SENP6: variants seen among roughly 807,000 people sequenced by gnomAD.
SENP6 encodes SUMO specific peptidase 6, also known as sentrin-specific protease 6.
A neutral mutation model predicts 134.5 loss-of-function variants in SENP6; 41 were observed. That is an observed-to-expected ratio of 0.30 (90% confidence interval 0.24 to 0.40). The LOEUF (loss-of-function observed/expected upper bound fraction) is 0.40, where lower values mean the gene tolerates loss of function less well. SENP6 is among the 10% of genes least tolerant of loss of function. SENP6 has a pLI of 1.00. For synonymous variants in SENP6, 395 were observed against 429.8 expected, an observed-to-expected ratio of 0.92 and a Z score of 1.00; for missense variants, 1,248 against 1,312.5, an observed-to-expected ratio of 0.95 and a Z score of 0.76.
At chr6:75,689,237 G>GA (rs1220456948) in intron 16 of SENP6, among the ~76,000 whole-genome samples, 1 of 151,826 alleles carries the variant, frequency 6.6e-6, no homozygotes, top group Admixed American at 6.6e-5. Flanking sequence ...CTATATCCAA[G>GA]AAAAAAATAA....
intron 19 of SENP6, among the ~76,000 whole-genome samples, chr6:75,705,924 C>G (rs1159550778): frequency 3.4e-5 from 3 of 89,288 alleles, no homozygotes; most frequent in African/African-American, 1.3e-4. Flanking sequence ...TATTTTTGAG[C>G]CTTTTTTTTT....
chr6:75,633,714 A>G lies in SENP6; in HGVS notation c.341A>G (p.Asn114Ser), dbSNP rs370702962. The change falls in exon 4 of 24, where the codon AAT becomes AGT. Residue 114 changes from asparagine to serine, a missense_variant. Transcript: ENST00000447266. ...NPIGLNMLSN[N>S]KKLSENTQNT... is the part of the protein sequence containing the mutation. ...ATTGGACTTAACATGTTGAGCAACAATAAGAAATTGAGGTATAGGCACTTC... is the reference window on the plus strand; with the variant it reads ...ATTGGACTTAACATGTTGAGCAACAGTAAGAAATTGAGGTATAGGCACTTC... 32 of 1,605,664 alleles carry G rather than the reference A, an allele frequency of 2.0e-5. No individual in the cohort carries two copies. Among genetic ancestry groups the G allele is most frequent in the Non-Finnish European group, 2.5e-5 (30 of 1,177,466 alleles).
intron 19 of SENP6, among the ~76,000 whole-genome samples, chr6:75,705,221 C>T (rs1459276940): frequency 1.3e-5 from 2 of 152,026 alleles, no homozygotes; most frequent in Non-Finnish European, 2.9e-5. Context: ...GATTTTTGTC[C>T]TTGAGTCAGT....
chr6:75,666,132 TATATATGATATATATAAAAC>T (rs1464314893), intron 9 of SENP6, among the ~76,000 whole-genome samples: 457 of 128,510 alleles, frequency 3.6e-3, no homozygotes, highest in Non-Finnish European at 5.2e-3. Flanking sequence ...ATATAAAACG[TATATATGATATATATAAAAC>T]ATATATGATA....
At position 75,671,014 on chromosome 6, in the gene SENP6, A is replaced by G. The variant is rs533262502; in HGVS notation, c.1392+294A>G. On this transcript the variant is annotated intron_variant, in intron 11 of 23. Coordinates refer to ENST00000447266, the MANE Select transcript of SENP6 (RefSeq NM_015571.4). Reference sequence around the variant, plus strand: ...TTTTAGTATCATCCCAGCTAAGTGCATGAAAAGAATATATTAAAGAACTGT... The same window carrying G: ...TTTTAGTATCATCCCAGCTAAGTGCGTGAAAAGAATATATTAAAGAACTGT... 6.6e-5 allele frequency among the ~76,000 whole-genome samples: 10 copies of G among 152,238 alleles called. No individual in the cohort carries two copies. In the South Asian group the frequency reaches 1.9e-3, roughly 28 times the overall value.
At position 75,666,884 on chromosome 6, in the gene SENP6, A is replaced by G. The variant is rs767254420; in HGVS notation, c.1167A>G (p.Pro389=). 5 of 1,611,980 alleles carry G rather than the reference A, an allele frequency of 3.1e-6. No homozygotes were observed. The Admixed American group carries it at 6.7e-5, about 21-fold the overall frequency. The change falls in exon 10 of 24, where the codon CCA becomes CCG. Residue 389 remains proline, a synonymous_variant. Transcript: ENST00000447266. ...CAGAGCGTGAACTACGAAGCATTCCAGAAGACTCAGAGTTAAATACAGTTA... is the reference window on the plus strand; with the variant it reads ...CAGAGCGTGAACTACGAAGCATTCCGGAAGACTCAGAGTTAAATACAGTTA... ...CRAERELRSI[P]EDSELNTVTL... is the part of the protein sequence containing the mutation.
At chr6:75,701,162 A>T (rs554635943) in intron 18 of SENP6, among the ~76,000 whole-genome samples, 1 of 152,356 alleles carries the variant, frequency 6.6e-6, no homozygotes, top group South Asian at 2.1e-4. Context: ...CTTGTTTTTC[A>T]TCCAGCAAAT....
At chr6:75,672,194 G>A (rs2149874533) in intron 11 of SENP6, among the ~76,000 whole-genome samples, 1 of 152,230 alleles carries the variant, frequency 6.6e-6, no homozygotes, top group South Asian at 2.1e-4. Flanking sequence ...AAATGTTCAG[G>A]AGTGCCCTGT....
chr6:75,689,778 AG>A (rs1774108337), intron 16 of SENP6, among the ~76,000 whole-genome samples: 1 of 152,184 alleles, frequency 6.6e-6, no homozygotes, highest in South Asian at 2.1e-4. Flanking sequence ...CATATAGCCT[AG>A]GTGTATAGGA....
At chr6:75,631,240 C>A (rs1177984459) in intron 3 of SENP6, among the ~76,000 whole-genome samples, 2 of 152,062 alleles carry the variant, frequency 1.3e-5, no homozygotes, top group Non-Finnish European at 2.9e-5. Context: ...TGCTAAACTT[C>A]CTGAATATCA....
chr6:75,705,564 A>G (rs556889355), intron 19 of SENP6, among the ~76,000 whole-genome samples: 185 of 152,082 alleles, frequency 1.2e-3, no homozygotes, highest in Middle Eastern at 6.8e-3. Flanking sequence ...AAATAAATTA[A>G]TTAATTAATT....
intron 1 of SENP6, among the ~76,000 whole-genome samples, chr6:75,605,398 T>A (rs989689057): frequency 2.7e-5 from 4 of 149,240 alleles, no homozygotes; most frequent in African/African-American, 7.3e-5. Context: ...AGTAATGACT[T>A]TTTTTTCACC....
At chr6:75,681,079 T>A (rs1244852335) in intron 16 of SENP6, among the ~76,000 whole-genome samples, 1 of 152,150 alleles carries the variant, frequency 6.6e-6, no homozygotes, top group African/African-American at 2.4e-5. Context: ...AATGTCAGAA[T>A]TATTTGACAA....
In SENP6 at chr6:75,702,710, C is replaced by T; in HGVS notation, c.2354C>T (p.Pro785Leu). 6.2e-7 allele frequency: 1 copy of T among 1,613,574 alleles called. No homozygotes were observed. The highest frequency in any genetic ancestry group is 8.5e-7 in the Non-Finnish European group (1 of 1,179,798). The change falls in exon 19 of 24, where the codon CCT (proline) becomes CTT (leucine). Residue 785 changes from proline to leucine, a missense_variant. Physicochemically the swap from Pro to Leu is moderately conservative, Grantham distance 98. Around this residue, in one of 3 missense-constraint regions of SENP6, gnomAD observed 386 missense variants for 395.0 expected, o/e 0.98. Transcript: ENST00000447266. Reference sequence around the variant, plus strand: ...GAAAAACCAAAGTATGAACCTAATCCTCATTACCATGAAAATGCTGTCATA... The same window carrying T: ...GAAAAACCAAAGTATGAACCTAATCTTCATTACCATGAAAATGCTGTCATA... The part of the protein sequence containing the change: ...GLEKPKYEPN[P>L]HYHENAVIQK...
intron 19 of SENP6, among the ~76,000 whole-genome samples, chr6:75,708,038 CAA>C (rs1305957433): frequency 6.6e-6 from 1 of 152,128 alleles, no homozygotes; most frequent in Non-Finnish European, 1.5e-5. Flanking sequence ...CTTCTGAACA[CAA>C]GAGTTAGATT....
intron 16 of SENP6, among the ~76,000 whole-genome samples, chr6:75,685,667 A>G (rs182748062): frequency 6.6e-6 from 1 of 152,326 alleles, no homozygotes; most frequent in Non-Finnish European, 1.5e-5. Flanking sequence ...CCCGTCATTC[A>G]GGAGCAAGTT....
Position 75,663,218 on chromosome 6 carries a change from A to G in SENP6, c.697-3A>G. Reference sequence around the variant, plus strand: ...CCAAAGTTGTGGTGTTCTTTTTTCTAAGGATTTGCAAAGAAATTGCAGACA... The same window carrying G: ...CCAAAGTTGTGGTGTTCTTTTTTCTGAGGATTTGCAAAGAAATTGCAGACA... On this transcript the variant is annotated splice_polypyrimidine_tract_variant and splice_region_variant and intron_variant, in intron 8 of 23. Transcript: ENST00000447266. 6.2e-7 allele frequency: 1 copy of G among 1,605,100 alleles called. No homozygotes were observed. Among genetic ancestry groups the G allele is most frequent in the Non-Finnish European group, 8.5e-7 (1 of 1,177,830 alleles).
chr6:75,632,389 G>T (rs571623274), intron 3 of SENP6, among the ~76,000 whole-genome samples: 2 of 152,124 alleles, frequency 1.3e-5, no homozygotes, highest in East Asian at 1.9e-4. Flanking sequence ...CAAACTCTAG[G>T]CTTGCCAATA....
intron 2 of SENP6, among the ~76,000 whole-genome samples, chr6:75,623,579 CA>C (rs1768437142): frequency 6.6e-6 from 1 of 152,038 alleles, no homozygotes; most frequent in Non-Finnish European, 1.5e-5. Flanking sequence ...ATATAAAATC[CA>C]TAACTAAATA....
Sources: allele counts gnomAD v4.1 joint callset (sites outside exome capture counted in the v4.1 genomes callset), GRCh38; gene constraint gnomAD v4.1.1; regional missense constraint gnomAD v4.1.1; transcripts MANE v1.5; gene names NCBI Gene and HGNC (gene_info 2026-07-23, HGNC 2026-07-21).